The following CSMD3 variants were observed in gnomAD, a reference collection of about 807,000 sequenced individuals.
CSMD3 encodes CUB and sushi domain-containing protein 3.
Under a neutral mutation model 435.2 loss-of-function variants are expected in CSMD3, and 177 were observed. The observed-to-expected ratio is 0.41, with a 90% CI of 0.36 to 0.46. The LOEUF (loss-of-function observed/expected upper bound fraction) is 0.46. Ranked by LOEUF, CSMD3 falls within the 20% of genes least tolerant of loss-of-function variation. The probability of loss-of-function intolerance (pLI) is 0.34; values close to 1 mark genes in which losing one functional copy is unlikely to be tolerated. For missense variants in CSMD3, 4,265 were observed against 4,504.6 expected, an observed-to-expected ratio of 0.95 and a Z score of 1.52; for synonymous variants, 1,656 against 1,520.5, an observed-to-expected ratio of 1.09 and a Z score of -2.07.
At chr8:113,295,111 G>A (rs77524125) in intron 2 of CSMD3, among the ~76,000 whole-genome samples, 3,958 of 152,082 alleles carry the variant, frequency 0.026, 255 homozygotes, top group East Asian at 0.2. Flanking sequence ...CATATAATAA[G>A]CCATAATCAC....
intron 3 of CSMD3, among the ~76,000 whole-genome samples, chr8:113,184,578 T>A (rs1346064647): frequency 6.6e-6 from 1 of 152,014 alleles, no homozygotes; most frequent in East Asian, 1.9e-4. Flanking sequence ...TCCACCCCAG[T>A]CTTTGAACTC....
At chr8:112,767,456 C>G (rs1295460143) in intron 13 of CSMD3, among the ~76,000 whole-genome samples, 1 of 151,698 alleles carries the variant, frequency 6.6e-6, no homozygotes, top group African/African-American at 2.4e-5. Context: ...AACCATATGG[C>G]CTGGAACCAA....
chr8:113,080,242 AG>A (rs2089505498), intron 5 of CSMD3, among the ~76,000 whole-genome samples: 2 of 152,182 alleles, frequency 1.3e-5, no homozygotes, highest in Admixed American at 6.5e-5. Flanking sequence ...ATCCCATGAC[AG>A]GTAAGTAATT....
intron 3 of CSMD3, among the ~76,000 whole-genome samples, chr8:113,258,239 T>C (rs1357807795): frequency 1.3e-5 from 2 of 152,196 alleles, no homozygotes; most frequent in African/African-American, 2.4e-5. Flanking sequence ...AATACATTAA[T>C]AGATAGACAG....
At chr8:113,339,342 T>A (rs2094101361) in intron 1 of CSMD3, among the ~76,000 whole-genome samples, 1 of 152,002 alleles carries the variant, frequency 6.6e-6, no homozygotes, top group South Asian at 2.1e-4. Flanking sequence ...AGTATCAATT[T>A]GTCTGAGAAT....
intron 5 of CSMD3, among the ~76,000 whole-genome samples, chr8:113,092,483 T>A (rs1445054272): frequency 3.3e-5 from 5 of 152,064 alleles, no homozygotes; most frequent in Admixed American, 6.6e-5. Flanking sequence ...CTAGCTAGAA[T>A]AAGGATTGCT....
At chr8:112,629,055 A>G (rs1440109473) in intron 22 of CSMD3, among the ~76,000 whole-genome samples, 4 of 152,228 alleles carry the variant, frequency 2.6e-5, no homozygotes, top group Non-Finnish European at 2.9e-5. Context: ...AGTGCTGTTT[A>G]AACTATTACA....
chr8:112,900,969 A>G (rs1278089923), intron 10 of CSMD3, among the ~76,000 whole-genome samples: 1 of 151,286 alleles, frequency 6.6e-6, no homozygotes, highest in Non-Finnish European at 1.5e-5. Context: ...ATACTTCTCA[A>G]CAGTCTGGCA....
chr8:112,987,075 A>T (rs915844917), intron 6 of CSMD3, among the ~76,000 whole-genome samples: 1 of 152,052 alleles, frequency 6.6e-6, no homozygotes, highest in African/African-American at 2.4e-5. Context: ...AAGGCATTTA[A>T]AGTAAGAGTG....
intron 19 of CSMD3, among the ~76,000 whole-genome samples, chr8:112,647,394 C>CCG (rs1394287131): frequency 2.6e-5 from 4 of 151,906 alleles, no homozygotes; most frequent in Admixed American, 2.6e-4. Context: ...CTCCGCCCCC[C>CCG]GGGTTCACGC....
intron 26 of CSMD3, 24 bp downstream of exon 26, chr8:112,552,570 G>A (rs1827781182): frequency 6.2e-7 from 1 of 1,606,640 alleles, no homozygotes; most frequent in Non-Finnish European, 8.5e-7. Context: ...CCCTAGTAAT[G>A]TTGAGAAAAT....
intron 35 of CSMD3, among the ~76,000 whole-genome samples, chr8:112,400,683 G>T (rs1309832291): frequency 6.6e-6 from 1 of 152,104 alleles, no homozygotes; most frequent in African/African-American, 2.4e-5. Flanking sequence ...CTAGGTAACA[G>T]CCTAAAGCCT....
At chr8:112,657,742 T>A (rs1267659258) in intron 17 of CSMD3, among the ~76,000 whole-genome samples, 1 of 152,190 alleles carries the variant, frequency 6.6e-6, no homozygotes, top group Non-Finnish European at 1.5e-5. Flanking sequence ...TTTTCCTTGC[T>A]TTAACCAAGG....
At chr8:112,941,614 C>T (rs2083453203) in intron 9 of CSMD3, among the ~76,000 whole-genome samples, 1 of 151,564 alleles carries the variant, frequency 6.6e-6, no homozygotes, top group South Asian at 2.1e-4. Flanking sequence ...GAGATTACTG[C>T]AATGTTAGGA....
intron 13 of CSMD3, among the ~76,000 whole-genome samples, chr8:112,761,958 T>C (rs188853739): frequency 4.9e-4 from 74 of 152,122 alleles, no homozygotes; most frequent in Admixed American, 9.2e-4. Context: ...ACGTGGACAA[T>C]AGTATATTTA....
intron 7 of CSMD3, among the ~76,000 whole-genome samples, chr8:112,961,938 A>G (rs1241720597): frequency 2.0e-5 from 3 of 151,910 alleles, no homozygotes. Flanking sequence ...GGATTTTTAT[A>G]TTCTCTTTAG....
intron 1 of CSMD3, among the ~76,000 whole-genome samples, chr8:113,414,250 T>G (rs1327214085): frequency 6.6e-6 from 1 of 152,206 alleles, no homozygotes; most frequent in Non-Finnish European, 1.5e-5. Flanking sequence ...GTTAATAATT[T>G]AACTTTAGAC....
intron 3 of CSMD3, among the ~76,000 whole-genome samples, chr8:113,262,681 A>G (rs1032996750): frequency 2.0e-5 from 3 of 152,050 alleles, no homozygotes; most frequent in African/African-American, 7.2e-5. Context: ...GATAGGAACC[A>G]AAGGGAGCCT....
At chr8:113,345,238 G>C (rs2094144434) in intron 1 of CSMD3, among the ~76,000 whole-genome samples, 2 of 152,042 alleles carry the variant, frequency 1.3e-5, no homozygotes, top group African/African-American at 2.4e-5. Flanking sequence ...CAAGAGATAA[G>C]TACTGTGAAA....
Sources: gnomAD v4.1 joint callset for allele counts (sites outside exome capture counted in the v4.1 genomes callset) on GRCh38, gnomAD v4.1.1 for gene constraint, MANE v1.5 for transcripts, NCBI Gene and HGNC (gene_info 2026-07-23, HGNC 2026-07-21) for gene names.